The following SPEF2 variants were observed in gnomAD, a reference collection of about 807,000 sequenced individuals.
SPEF2 encodes the protein sperm flagellar and cilia associated 2, also known as sperm flagella and cilia-associated protein 2.
In SPEF2, 187 loss-of-function variants were observed where a neutral mutation model predicts 224.6. That is an observed-to-expected ratio of 0.83 (90% CI 0.74 to 0.94). The LOEUF is 0.94. Among genes scored for constraint, SPEF2 ranks in the 40% least tolerant of loss-of-function variants. SPEF2 has a pLI of 0.00. For synonymous variants in SPEF2, 715 were observed against 707.3 expected (o/e 1.01, Z -0.17); for missense variants, 2,170 against 2,135.6 (o/e 1.02, Z -0.32).
intron 10 of SPEF2, among the ~76,000 whole-genome samples, chr5:35,681,362 G>C (rs963895064): frequency 1.3e-5 from 2 of 152,090 alleles, no homozygotes; most frequent in Non-Finnish European, 2.9e-5. Flanking sequence ...ACTGAGAACT[G>C]TATTACTTTA....
intron 21 of SPEF2, among the ~76,000 whole-genome samples, chr5:35,731,632 G>A (rs1044795943): frequency 2.0e-5 from 3 of 152,222 alleles, no homozygotes; most frequent in African/African-American, 4.8e-5. Flanking sequence ...AGTGGTACTT[G>A]AAGATGAATC....
chr5:35,788,418 TA>T (rs1755479893), intron 30 of SPEF2: 3 of 702,472 alleles, frequency 4.3e-6, no homozygotes, highest in Non-Finnish European at 5.2e-6. Flanking sequence ...CGAAAAAATC[TA>T]AGAGAGAAAT....
chr5:35,723,201 C>T (rs1206705552), intron 20 of SPEF2, among the ~76,000 whole-genome samples: 1 of 152,016 alleles, frequency 6.6e-6, no homozygotes, highest in Non-Finnish European at 1.5e-5. Flanking sequence ...TCATTAATGC[C>T]ATTTAATTTG....
intron 32 of SPEF2, among the ~76,000 whole-genome samples, chr5:35,794,916 G>A (rs998863206): frequency 6.6e-6 from 1 of 151,956 alleles, no homozygotes; most frequent in African/African-American, 2.4e-5. Context: ...TCCGCCCTCA[G>A]GTCCCCCTCC....
chr5:35,804,665 G>T (rs1757846294), intron 34 of SPEF2, among the ~76,000 whole-genome samples: 1 of 151,894 alleles, frequency 6.6e-6, no homozygotes, highest in African/African-American at 2.4e-5. Flanking sequence ...AATAAGTTAA[G>T]GATTATTCAC....
At position 35,641,621 on chromosome 5, in the gene SPEF2, C is replaced by A; in HGVS notation, c.352C>A (p.Gln118Lys). 6.2e-7 allele frequency: 1 copy of A among 1,613,542 alleles called. No individual in the cohort carries two copies. ...AAGTGGACTGACTGGAGTGGAGATG[C>A]AAACCATGCAACGTCTGACAAATTT... Reference protein sequence around the residue: ...KKSGLTGVEMQTMQRLTNLRL... With the variant: ...KKSGLTGVEMKTMQRLTNLRL... Residue 118 changes from glutamine to lysine, a missense_variant, in exon 3 of 37, where the codon CAA (glutamine) becomes AAA (lysine). Gln to Lys is a moderately conservative substitution (Grantham distance 53). Coordinates refer to ENST00000356031, the MANE Select transcript of SPEF2 (RefSeq NM_024867.4).
chr5:35,638,775 A>C (rs1354910768), intron 2 of SPEF2, among the ~76,000 whole-genome samples: 1 of 152,170 alleles, frequency 6.6e-6, no homozygotes, highest in Non-Finnish European at 1.5e-5. Flanking sequence ...GAAGATCCTG[A>C]AAGTTGCAGC....
At chr5:35,751,030 TATATAC>T (rs1413105206) in intron 23 of SPEF2, among the ~76,000 whole-genome samples, 1 of 102,092 alleles carries the variant, frequency 9.8e-6, no homozygotes, top group African/African-American at 3.7e-5. Flanking sequence ...TATACGTATA[TATATAC>T]ACATATGTAT....
At chr5:35,642,681 T>C (rs910758368) in intron 3 of SPEF2, among the ~76,000 whole-genome samples, 9 of 152,232 alleles carry the variant, frequency 5.9e-5, no homozygotes, top group African/African-American at 2.2e-4. Flanking sequence ...TGAAGTGCAT[T>C]AACTTTTACA....
intron 36 of SPEF2, among the ~76,000 whole-genome samples, chr5:35,813,552 G>C (rs1012009144): frequency 6.6e-6 from 1 of 152,078 alleles, no homozygotes; most frequent in African/African-American, 2.4e-5. Flanking sequence ...AGTCAATGGG[G>C]AGCAGCTTTT....
chr5:35,792,440 A>G lies in SPEF2; in HGVS notation c.4548A>G (p.Gln1516=), dbSNP rs1377527020. 3 of 1,613,156 alleles carry G rather than the reference A, an allele frequency of 1.9e-6. No individual in the cohort carries two copies. In the East Asian group the frequency reaches 6.7e-5, roughly 36 times the overall value. Residue 1516 remains glutamine, a synonymous_variant, in exon 31 of 37, where the codon CAA becomes CAG. Coordinates refer to ENST00000356031, the MANE Select transcript of SPEF2 (RefSeq NM_024867.4). The part of the protein sequence containing the change: ...NFPSNWMHLT[Q]PELQELTSLL... ...CTAGTAATTGGATGCACCTTACCCA[A>G]CCTGAAGTAAGCTTCTATGTTGTTT...
chr5:35,692,451 CA>C (rs1303109985), intron 11 of SPEF2, 118 bp from the exon 12 acceptor site: 31 of 724,152 alleles, frequency 4.3e-5, no homozygotes, highest in Non-Finnish European at 6.3e-5. Context: ...AAACTTGATC[CA>C]AAAGACTGTT....
intron 5 of SPEF2, among the ~76,000 whole-genome samples, chr5:35,648,935 A>T (rs1173797933): frequency 6.7e-6 from 1 of 150,240 alleles, no homozygotes. Context: ...AATCACTTGA[A>T]CCCGGGAGGT....
In SPEF2 at chr5:35,639,309, A is replaced by G. The variant is rs1004232942; in HGVS notation, c.162-2122A>G. Among the ~76,000 whole-genome samples the G allele has an allele frequency of 3.9e-5, 6 of 152,152 alleles. No homozygotes were observed. The South Asian group carries it at 1.0e-3, about 26-fold the overall frequency. On this transcript the variant is annotated intron_variant, in intron 2 of 36. Transcript: ENST00000356031. ...GAGAACCAAATATCATCCATCTTCA[A>G]TTCTTGGAACAGCCCATTTTTTCCC...
At chr5:35,641,719 G>A (rs1295754465) in intron 3 of SPEF2, 36 bp downstream of exon 3, 2 of 1,577,474 alleles carry the variant, frequency 1.3e-6, no homozygotes, top group Admixed American at 3.8e-5. Flanking sequence ...GCATGTCACA[G>A]TGTAAAATTT....
chr5:35,773,884 C>T lies in SPEF2; in HGVS notation c.3950-9C>T, dbSNP rs777786986. The stretch of plus-strand genomic sequence containing the variant: ...TTAGTTTACTCAGCATGTTTCATTG[C>T]CCTTTCAGGTAAATCACCACCTATG... On this transcript the variant is annotated splice_polypyrimidine_tract_variant and intron_variant, in intron 27 of 36. Coordinates refer to ENST00000356031, the MANE Select transcript of SPEF2 (RefSeq NM_024867.4). The T allele has an allele frequency of 1.2e-6, 2 of 1,609,354 alleles. No homozygotes were observed. The highest frequency in any genetic ancestry group is 2.2e-5 in the East Asian group (1 of 44,808).
At chr5:35,629,357 C>T (rs1477052924) in intron 2 of SPEF2, among the ~76,000 whole-genome samples, 1 of 151,440 alleles carries the variant, frequency 6.6e-6, no homozygotes, top group African/African-American at 2.4e-5. Context: ...CGAGGTTTCA[C>T]CGTGTTAGCC....
rs1274545896 is a variant in SPEF2 at position 35,814,515 on chromosome 5, G to C, written c.5431G>C (p.Glu1811Gln). 1.1e-5 allele frequency: 17 copies of C among 1,609,520 alleles called. No individual in the cohort carries two copies. The highest frequency in any genetic ancestry group is 1.2e-5 in the Non-Finnish European group (14 of 1,177,396). ...TGAACATGTACAAGGAAGTGATGGAGAGAGATCACCTTCAAGACATACAGA... is the reference window on the plus strand; with the variant it reads ...TGAACATGTACAAGGAAGTGATGGACAGAGATCACCTTCAAGACATACAGA... Reference protein sequence around the residue: ...RSEHVQGSDGERSPSRHTEEK... With the variant: ...RSEHVQGSDGQRSPSRHTEEK... The change falls in exon 37 of 37, where the codon GAG (glutamate) becomes CAG (glutamine). Residue 1811 changes from glutamate to glutamine, a missense_variant. Coordinates refer to ENST00000356031, the MANE Select transcript of SPEF2 (RefSeq NM_024867.4).
chr5:35,683,893 A>T lies in SPEF2; in HGVS notation c.1525-7144A>T, dbSNP rs1408558249. The T allele has an allele frequency of 2.6e-5, 4 of 152,194 alleles. No homozygotes were observed. In the South Asian group the frequency reaches 6.2e-4, roughly 24 times the overall value. 9.4% of individuals were successfully genotyped at this position (152,194 alleles called of 1,614,324 possible). On this transcript the variant is annotated intron_variant, in intron 10 of 36. Coordinates refer to ENST00000356031, the MANE Select transcript of SPEF2 (RefSeq NM_024867.4). ...CTTAATAATTATTTCCTGCATGTTCATGACAGTTTACATAAATCAAGGACT... is the reference window on the plus strand; with the variant it reads ...CTTAATAATTATTTCCTGCATGTTCTTGACAGTTTACATAAATCAAGGACT...
Sources: allele counts gnomAD v4.1 joint callset (sites outside exome capture counted in the v4.1 genomes callset), GRCh38; gene constraint gnomAD v4.1.1; transcripts MANE v1.5; gene names NCBI Gene and HGNC (gene_info 2026-07-23, HGNC 2026-07-21).